The following FRMD4B variants were observed in gnomAD, a reference collection of about 807,000 sequenced individuals.
The protein encoded by FRMD4B is FERM domain-containing protein 4B.
FRMD4B carries 74 observed loss-of-function variants against 141.5 expected under a neutral mutation model. That is an observed-to-expected ratio of 0.52 (90% CI 0.43 to 0.63). The LOEUF is 0.63. Ranked by LOEUF, FRMD4B falls within the 30% of genes least tolerant of loss-of-function variation. The pLI, the probability that FRMD4B is intolerant of heterozygous loss-of-function variation, is 0.00. For synonymous variants in FRMD4B, 506 were observed against 467.9 expected, an observed-to-expected ratio of 1.08 and a Z score of -1.05; for missense variants, 1,366 against 1,253.4, an observed-to-expected ratio of 1.09 and a Z score of -1.36.
chr3:69,319,224 C>T (rs1701910784), intron 1 of FRMD4B, among the ~76,000 whole-genome samples: 1 of 152,168 alleles, frequency 6.6e-6, no homozygotes, highest in Non-Finnish European at 1.5e-5. Context: ...CATAGTTTAT[C>T]TCTTACTAGC....
rs558089099 is a variant in FRMD4B, at chr3:69,341,721, G to A, written c.163-28204C>T. On this transcript the variant is annotated intron_variant, in intron 1 of 22. Coordinates refer to ENST00000398540, the MANE Select transcript of FRMD4B (RefSeq NM_015123.3). ...CTTTAGGAGGTGGTTAAACCTTGAAGCCTGCTCTGTCTCTTTAACGGATTA... is the reference window on the plus strand; with the variant it reads ...CTTTAGGAGGTGGTTAAACCTTGAAACCTGCTCTGTCTCTTTAACGGATTA... 3.3e-5 allele frequency among the ~76,000 whole-genome samples: 5 copies of A among 152,312 alleles called. No individual in the cohort carries two copies. The East Asian group carries it at 9.6e-4, about 29-fold the overall frequency.
intron 19 of FRMD4B, among the ~76,000 whole-genome samples, chr3:69,185,899 G>A (rs965020869): frequency 1.3e-4 from 19 of 151,698 alleles, no homozygotes; most frequent in Admixed American, 2.0e-4. Flanking sequence ...AAAACTTGCC[G>A]GGTGTGGTGG....
intron 2 of FRMD4B, among the ~76,000 whole-genome samples, chr3:69,415,064 C>G (rs1321732027): frequency 1.3e-5 from 2 of 151,648 alleles, no homozygotes; most frequent in African/African-American, 4.8e-5. Context: ...TGGGGTTTCA[C>G]TATGTTGGTC....
intron 7 of FRMD4B, among the ~76,000 whole-genome samples, chr3:69,225,280 G>A (rs547562577): frequency 1.3e-5 from 2 of 152,072 alleles, no homozygotes; most frequent in South Asian, 4.1e-4. Context: ...GTCACATTAA[G>A]TGAACTAAAA....
chr3:69,428,625 CT>C (rs531744541), intron 2 of FRMD4B, among the ~76,000 whole-genome samples: 4 of 151,868 alleles, frequency 2.6e-5, no homozygotes, highest in African/African-American at 7.3e-5. Context: ...ACTATTAACA[CT>C]TTTTCTTTGG....
At chr3:69,196,818 G>T in intron 13 of FRMD4B, 82 bp downstream of exon 13, 1 of 1,039,096 alleles carries the variant, frequency 9.6e-7, no homozygotes, top group Non-Finnish European at 1.4e-6. Context: ...ATATGTGCTT[G>T]CATCTTTTGT....
At chr3:69,260,064 T>C (rs988882569) in intron 5 of FRMD4B, among the ~76,000 whole-genome samples, 1 of 152,228 alleles carries the variant, frequency 6.6e-6, no homozygotes, top group African/African-American at 2.4e-5. Flanking sequence ...GCTACACAAA[T>C]GTATAGCAAA....
rs760652882 is a variant in FRMD4B at position 69,535,701 on chromosome 3, C to T, written c.-129+6505G>A. ...GGCTAGATACGTCAGATGAGGAGAC[C>T]GTAATGGGCAGTCCAGCCTTTCACG... On this transcript the variant is annotated intron_variant, in intron 1 of 5. Coordinates refer to the FRMD4B transcript ENST00000459638. 128 of 361,266 alleles carry T rather than the reference C, an allele frequency of 3.5e-4. 1 individual carries two copies. The highest frequency in any genetic ancestry group is 1.1e-3 in the South Asian group (52 of 46,056). 22.4% of individuals were successfully genotyped at this position (361,266 alleles called of 1,614,324 possible). A position where few individuals can be genotyped will look rare whatever the true frequency, so the allele number is the denominator to read the frequency against.
At chr3:69,535,261 T>C (rs1282416136) in intron 1 of FRMD4B, among the ~76,000 whole-genome samples, 1 of 152,162 alleles carries the variant, frequency 6.6e-6, no homozygotes, top group Non-Finnish European at 1.5e-5. Context: ...CTAGTCAACA[T>C]GCAGACTTTG....
At chr3:69,476,313 C>A (rs1459340961) in intron 1 of FRMD4B, among the ~76,000 whole-genome samples, 1 of 152,018 alleles carries the variant, frequency 6.6e-6, no homozygotes, top group African/African-American at 2.4e-5. Flanking sequence ...CCTAGGTTTT[C>A]TTCTAGGGTT....
intron 19 of FRMD4B, among the ~76,000 whole-genome samples, chr3:69,186,455 T>C (rs1414519453): frequency 6.6e-6 from 1 of 152,152 alleles, no homozygotes; most frequent in Admixed American, 6.5e-5. Context: ...CTCATGCCTG[T>C]AATCCCAGCA....
At chr3:69,461,085 T>C (rs1400731442) in intron 1 of FRMD4B, among the ~76,000 whole-genome samples, 3 of 152,262 alleles carry the variant, frequency 2.0e-5, no homozygotes, top group African/African-American at 7.2e-5. Context: ...AAAGTTTGAA[T>C]AGTTCTTTCA....
chr3:69,201,929 C>A (rs948763904), intron 11 of FRMD4B, among the ~76,000 whole-genome samples: 2 of 152,080 alleles, frequency 1.3e-5, no homozygotes, highest in African/African-American at 2.4e-5. Context: ...GTTGGCCGGG[C>A]GCAGTGGCTC....
intron 1 of FRMD4B, among the ~76,000 whole-genome samples, chr3:69,358,568 T>C (rs1370807818): frequency 6.6e-6 from 1 of 152,114 alleles, no homozygotes; most frequent in Non-Finnish European, 1.5e-5. Flanking sequence ...AAACTCCATC[T>C]CTACAAAATA....
intron 8 of FRMD4B, 47 bp from the exon 9 acceptor site, chr3:69,221,970 G>A (rs768791753): frequency 7.2e-6 from 7 of 974,980 alleles, no homozygotes; most frequent in African/African-American, 1.6e-5. Context: ...GATTATCTGA[G>A]GTACAGGCAC....
rs1316503231 is a variant in FRMD4B at position 69,171,821 on chromosome 3, T to C, written c.*40A>G. 1 of 1,594,236 alleles carries C rather than the reference T, an allele frequency of 6.3e-7. No homozygotes were observed. The highest frequency in any genetic ancestry group is 1.1e-5 in the South Asian group (1 of 90,694). ...AAATACAATTTGCAAGGCACACTAG[T>C]GTGAGAACGCAGTGCTTGGTCAGGA... On this transcript the variant is annotated 3_prime_UTR_variant, in exon 23 of 23. Coordinates refer to ENST00000398540, the MANE Select transcript of FRMD4B (RefSeq NM_015123.3).
intron 1 of FRMD4B, among the ~76,000 whole-genome samples, chr3:69,321,139 G>A (rs570617433): frequency 3.7e-4 from 56 of 152,272 alleles, no homozygotes; most frequent in Admixed American, 6.5e-4. Context: ...CCCACTGCCT[G>A]GTTTAGGAGA....
intron 18 of FRMD4B, among the ~76,000 whole-genome samples, chr3:69,188,327 C>T (rs796952513): frequency 6.6e-6 from 1 of 152,200 alleles, no homozygotes; most frequent in Non-Finnish European, 1.5e-5. Flanking sequence ...AAAGGCTTAT[C>T]CTGTCATTGA....
intron 1 of FRMD4B, among the ~76,000 whole-genome samples, chr3:69,346,760 C>A (rs1239211655): frequency 6.6e-6 from 1 of 152,122 alleles, no homozygotes; most frequent in African/African-American, 2.4e-5. Flanking sequence ...GAAATAAAAT[C>A]CTTTACAGAC....
Sources: gnomAD v4.1 joint callset for allele counts (sites outside exome capture counted in the v4.1 genomes callset) on GRCh38, gnomAD v4.1.1 for gene constraint, MANE v1.5 for transcripts, NCBI Gene and HGNC (gene_info 2026-07-23, HGNC 2026-07-21) for gene names.